APBB2: variants seen among roughly 807,000 people sequenced by gnomAD.
APBB2 encodes the protein Fe65-like 1.
A neutral mutation model predicts 82.5 loss-of-function variants in APBB2; 38 were observed. That is an observed-to-expected ratio of 0.46 (90% confidence interval 0.36 to 0.60). APBB2 has a LOEUF of 0.60. APBB2 is among the 20% of genes least tolerant of loss of function. The probability of loss-of-function intolerance (pLI) is 0.00; values close to 1 mark genes in which losing one functional copy is unlikely to be tolerated. For synonymous variants in APBB2, 341 were observed against 368.2 expected, an observed-to-expected ratio of 0.93 and a Z score of 0.85; for missense variants, 772 against 972.3, an observed-to-expected ratio of 0.79 and a Z score of 2.74.
Position 40,935,104 on chromosome 4 carries a change from C to G in APBB2, c.1080G>C (p.Gly360=). ...QPWSDFAVLN[G]GKINSDIWKD... Reference sequence around the variant, plus strand: ...TCCAAATGTCACTATTAATCTTTCCCCCATTCAGAACAGCAAAATCACTCC... The same window carrying G: ...TCCAAATGTCACTATTAATCTTTCCGCCATTCAGAACAGCAAAATCACTCC... The change falls in exon 8 of 18, where the codon GGG becomes GGC. Residue 360 remains glycine, a synonymous_variant. Transcript: ENST00000508593. The G allele has an allele frequency of 6.5e-7, 1 of 1,535,988 alleles. No individual in the cohort carries two copies.
chr4:41,086,920 C>CCA (rs140593111), intron 3 of APBB2, among the ~76,000 whole-genome samples: 72 of 38,680 alleles, frequency 1.9e-3, no homozygotes, highest in African/African-American at 5.2e-3. Context: ...CTTAAAAATT[C>CCA]CACACACACA....
At chr4:41,040,859 T>A (rs1721082685) in intron 4 of APBB2, among the ~76,000 whole-genome samples, 1 of 152,170 alleles carries the variant, frequency 6.6e-6, no homozygotes, top group African/African-American at 2.4e-5. Context: ...AAAGCACACT[T>A]GAGAACATCT....
chr4:40,850,592 A>G (rs1343582351), intron 12 of APBB2, among the ~76,000 whole-genome samples: 1 of 152,192 alleles, frequency 6.6e-6, no homozygotes, highest in Admixed American at 6.5e-5. Flanking sequence ...TTGTGAATGA[A>G]GAGTATTGGA....
chr4:41,028,775 T>C (rs1715515515), intron 5 of APBB2, among the ~76,000 whole-genome samples: 1 of 152,224 alleles, frequency 6.6e-6, no homozygotes, highest in African/African-American at 2.4e-5. Flanking sequence ...TCTAATTTCA[T>C]GACTTGCCCA....
Position 40,832,013 on chromosome 4 carries a change from T to TATAC in APBB2, c.1530-1437_1530-1436insGTAT, listed in dbSNP as rs777910826. On this transcript the variant is annotated intron_variant, in intron 12 of 17. Coordinates refer to ENST00000508593, the MANE Select transcript of APBB2 (RefSeq NM_004307.2). This position sits in a 1 kb window ranked among gnomAD's most constrained non-coding sequence, Gnocchi z 4.8. ...ACACATATTTATATATTTATTTATA[T>TATAC]ACACACACACACACACACACACACA... Among the ~76,000 whole-genome samples the TATAC allele has an allele frequency of 0.079, 10,936 of 138,870 alleles. 484 individuals carry two copies. The highest frequency in any genetic ancestry group is 0.099 in the Non-Finnish European group (6,404 of 64,418). The allele number at this position is 138,870 out of a possible 152,430, so 91.1% of individuals were successfully genotyped here. A position where few individuals can be genotyped will look rare whatever the true frequency, so the allele number is the denominator to read the frequency against.
intron 7 of APBB2, among the ~76,000 whole-genome samples, chr4:40,941,133 A>G (rs909742452): frequency 7.8e-5 from 11 of 140,394 alleles, no homozygotes; most frequent in African/African-American, 2.9e-4. Flanking sequence ...GCACTTAGTT[A>G]TTTGATTCTT....
chr4:40,845,588 CAAA>C (rs71198606), intron 12 of APBB2, among the ~76,000 whole-genome samples: 16,779 of 55,704 alleles, frequency 0.3, 1,457 homozygotes, highest in Middle Eastern at 0.41. Context: ...GGAAATTCCT[CAAA>C]AAAAAAAAAA....
intron 12 of APBB2, among the ~76,000 whole-genome samples, chr4:40,864,603 G>A (rs780100436): frequency 8.6e-5 from 13 of 152,046 alleles, no homozygotes; most frequent in Non-Finnish European, 1.3e-4. Context: ...AAGAGATTCC[G>A]AAGCCCTAGG....
At position 40,822,069 on chromosome 4, in the gene APBB2, G is replaced by A. The variant is rs781561102; in HGVS notation, c.1933-19C>T. 3.6e-5 allele frequency: 58 copies of A among 1,612,764 alleles called. No individual in the cohort carries two copies. Among genetic ancestry groups the A allele is most frequent in the Admixed American group, 3.0e-4 (18 of 59,978 alleles). ...CTTCATTCTGCAAGAGACATTATGC[G>A]GCATCCAATCAGGAGATCCCAGGAT... On this transcript the variant is annotated intron_variant, in intron 16 of 17. Transcript: ENST00000508593.
At chr4:40,921,886 G>C (rs1324316665) in intron 10 of APBB2, among the ~76,000 whole-genome samples, 1 of 152,142 alleles carries the variant, frequency 6.6e-6, no homozygotes, top group Non-Finnish European at 1.5e-5. Context: ...ATGTGGCTGG[G>C]GCAGAAAAGT....
Position 40,997,067 on chromosome 4 carries a change from T to C in APBB2, c.835+16516A>G, listed in dbSNP as rs78968216. The stretch of plus-strand genomic sequence containing the variant: ...ATGCCAGACCCCTCACCCTCACCTA[T>C]CATGATTGCCTATCCAACCACCTGC... On this transcript the variant is annotated intron_variant, in intron 6 of 17. Transcript: ENST00000508593. Among the ~76,000 whole-genome samples the C allele has an allele frequency of 3.5e-4, 53 of 152,256 alleles. No homozygotes were observed. The East Asian group carries it at 9.1e-3, about 26-fold the overall frequency.
chr4:40,943,248 T>C (rs542010672), intron 7 of APBB2, among the ~76,000 whole-genome samples: 1 of 152,224 alleles, frequency 6.6e-6, no homozygotes, highest in African/African-American at 2.4e-5. Flanking sequence ...CTGTAACATA[T>C]GAATGCTGGC....
intron 10 of APBB2, among the ~76,000 whole-genome samples, chr4:40,930,479 G>A (rs201789131): frequency 0.023 from 3,405 of 145,822 alleles, 63 homozygotes; most frequent in South Asian, 0.044. Context: ...GCGCGTGCGC[G>A]TATGCGTGTG....
In APBB2 at chr4:40,832,993, A is replaced by G. The variant is rs1005442406; in HGVS notation, c.1530-2416T>C. Among the ~76,000 whole-genome samples the G allele has an allele frequency of 3.1e-4, 47 of 152,098 alleles. No homozygotes were observed. The highest frequency in any genetic ancestry group is 1.1e-3 in the African/African-American group (45 of 41,422). On this transcript the variant is annotated intron_variant, in intron 12 of 17. Transcript: ENST00000508593. The surrounding 1 kb of genome is among the most constrained non-coding windows in gnomAD (Gnocchi z 4.8). ...GGCAAGTCACTGGGCCGAGACTTTG[A>G]GGGGTGAGCACAGTCTTCTCCACAC...
chr4:41,202,279 T>C (rs1776885411), intron 1 of APBB2, among the ~76,000 whole-genome samples: 1 of 152,246 alleles, frequency 6.6e-6, no homozygotes, highest in African/African-American at 2.4e-5. Flanking sequence ...CTAAATTTAC[T>C]GTAGGCAATC....
intron 6 of APBB2, 26 bp from the exon 7 acceptor site, chr4:40,945,099 G>A: frequency 1.7e-6 from 2 of 1,199,840 alleles, no homozygotes; most frequent in East Asian, 6.7e-5. Context: ...GCGGGGCGGG[G>A]GGAGAAAGAG....
chr4:40,822,649 A>G (rs541342233), intron 16 of APBB2, among the ~76,000 whole-genome samples: 2 of 152,322 alleles, frequency 1.3e-5, no homozygotes, highest in East Asian at 3.9e-4. Flanking sequence ...TCTCATAGGG[A>G]TGAACACCAC....
chr4:40,812,665 TACAA>T lies in APBB2; in HGVS notation c.*3423_*3426del, dbSNP rs1226497982. 1.3e-5 allele frequency: 2 copies of T among 152,214 alleles called. No homozygotes were observed. Among genetic ancestry groups the T allele is most frequent in the South Asian group, 2.1e-4 (1 of 4,836 alleles). 9.4% of individuals were successfully genotyped at this position (152,214 alleles called of 1,614,324 possible). On this transcript the variant is annotated 3_prime_UTR_variant, in exon 18 of 18. Coordinates refer to ENST00000508593, the MANE Select transcript of APBB2 (RefSeq NM_004307.2). ...CAATGCCTGGGACATGAACGGGCCA[TACAA>T]ACAGAGGAAAGCTCTGGGGCTTCCA...
chr4:41,084,887 C>T (rs753679711), intron 3 of APBB2, among the ~76,000 whole-genome samples: 3 of 152,106 alleles, frequency 2.0e-5, no homozygotes, highest in Non-Finnish European at 2.9e-5. Flanking sequence ...GAAGCCTGAA[C>T]GAGATTCTCA....
Sources: allele counts gnomAD v4.1 joint callset (sites outside exome capture counted in the v4.1 genomes callset), GRCh38; gene constraint gnomAD v4.1.1; non-coding constraint Gnocchi (gnomAD v3.1); transcripts MANE v1.5; gene names NCBI Gene and HGNC (gene_info 2026-07-23, HGNC 2026-07-21).